Variants in TTLL9 observed in about 807,000 individuals in gnomAD.
The protein encoded by TTLL9 is tubulin tyrosine ligase like 9, also known as probable tubulin polyglutamylase TTLL9.
Under a neutral mutation model 65.6 loss-of-function variants are expected in TTLL9, and 47 were observed. The ratio of observed to expected loss-of-function variants is 0.72; its 90% CI spans 0.57 to 0.91. The LOEUF (loss-of-function observed/expected upper bound fraction) is 0.91. Ranked by LOEUF, TTLL9 falls within the 40% of genes least tolerant of loss-of-function variation. The pLI, the probability that TTLL9 is intolerant of heterozygous loss-of-function variation, is 0.00. For missense variants in TTLL9, 537 were observed against 568.8 expected, an observed-to-expected ratio of 0.94 and a Z score of 0.57; for synonymous variants, 179 against 204.8, an observed-to-expected ratio of 0.87 and a Z score of 1.07.
chr20:31,894,069 GT>G (rs2063348074), intron 3 of TTLL9, among the ~76,000 whole-genome samples: 1 of 130,314 alleles, frequency 7.7e-6, no homozygotes, highest in Admixed American at 7.6e-5. Context: ...AGATATTATA[GT>G]TTTCCCTTCT....
At chr20:31,877,667 T>C (rs997222685) in intron 2 of TTLL9, among the ~76,000 whole-genome samples, 13 of 152,166 alleles carry the variant, frequency 8.5e-5, no homozygotes, top group Admixed American at 2.6e-4. Flanking sequence ...CTCTATTTTT[T>C]CCCCAGTGAT....
rs551540548 is a variant in TTLL9 at position 31,928,124 on chromosome 20, C to T, written c.748+2033C>T. Reference sequence around the variant, plus strand: ...CAGTGGCTGGCCCAGAGTGACCTCTCAGTAAATGTTAGTGGTCCTCCTCTC... The same window carrying T: ...CAGTGGCTGGCCCAGAGTGACCTCTTAGTAAATGTTAGTGGTCCTCCTCTC... On this transcript the variant is annotated intron_variant, in intron 10 of 14. Transcript: ENST00000535842. Among the ~76,000 whole-genome samples the T allele has an allele frequency of 2.0e-5, 3 of 151,676 alleles. No homozygotes were observed. The East Asian group carries it at 5.8e-4, about 29-fold the overall frequency.
intron 2 of TTLL9, among the ~76,000 whole-genome samples, chr20:31,884,648 T>C (rs527323594): frequency 2.0e-5 from 3 of 152,236 alleles, no homozygotes; most frequent in Non-Finnish European, 4.4e-5. Context: ...TTCTAGTTTC[T>C]GGAGGCTGTC....
At position 31,880,147 on chromosome 20, in the gene TTLL9, G is replaced by A. The variant is rs558588438; in HGVS notation, c.70-7049G>A. On this transcript the variant is annotated intron_variant, in intron 2 of 14. Coordinates refer to ENST00000535842, the MANE Select transcript of TTLL9 (RefSeq NM_001008409.5). ...CCAAGCTGCTGCGCAAGTCCCGCGA[G>A]CCCGGCCAGCTGGCGGGAAGTTTAC... Among the ~76,000 whole-genome samples, 13 of 152,306 alleles carry A rather than the reference G, an allele frequency of 8.5e-5. No homozygotes were observed. In the South Asian group the frequency reaches 2.1e-3, roughly 24 times the overall value.
chr20:31,890,921 T>C (rs930899453), intron 3 of TTLL9, among the ~76,000 whole-genome samples: 13 of 152,182 alleles, frequency 8.5e-5, no homozygotes, highest in African/African-American at 3.1e-4. Flanking sequence ...AGCTCTTTGA[T>C]TTGCATGCAC....
intron 3 of TTLL9, among the ~76,000 whole-genome samples, chr20:31,889,300 C>T (rs990613979): frequency 2.7e-5 from 4 of 147,986 alleles, no homozygotes; most frequent in African/African-American, 1.1e-4. Context: ...GAGTCTCACT[C>T]TGTTGGCTGG....
chr20:31,909,644 G>T, intron 5 of TTLL9, 93 bp from the exon 6 acceptor site: 2 of 1,191,748 alleles, frequency 1.7e-6, no homozygotes, highest in South Asian at 2.8e-5. Context: ...CCAGAGCATG[G>T]AGGCTGCAGG....
At chr20:31,933,768 C>T in intron 10 of TTLL9, 32 bp from the exon 11 acceptor site, 2 of 1,606,958 alleles carry the variant, frequency 1.2e-6, no homozygotes, top group Non-Finnish European at 1.7e-6. Context: ...CCTTTTTGTT[C>T]ACGCTGACCC....
intron 2 of TTLL9, among the ~76,000 whole-genome samples, chr20:31,874,659 C>G (rs972939475): frequency 6.6e-6 from 1 of 151,900 alleles, no homozygotes; most frequent in African/African-American, 2.4e-5. Context: ...ATCCACCCAC[C>G]TTGGCCCCCC....
At chr20:31,942,727 G>A (rs2064233406) in intron 14 of TTLL9, among the ~76,000 whole-genome samples, 1 of 152,230 alleles carries the variant, frequency 6.6e-6, no homozygotes, top group Non-Finnish European at 1.5e-5. Flanking sequence ...GTGGGCAGTA[G>A]TATCCTGGTT....
chr20:31,882,428 G>C (rs1402400846), intron 2 of TTLL9, among the ~76,000 whole-genome samples: 1 of 152,140 alleles, frequency 6.6e-6, no homozygotes, highest in Non-Finnish European at 1.5e-5. Context: ...CTCAGAGCAG[G>C]ACTCCAGGAA....
At chr20:31,879,697 C>A in intron 2 of TTLL9, 2 of 921,340 alleles carry the variant, frequency 2.2e-6, no homozygotes, top group South Asian at 1.8e-5. Context: ...CCTAGGCTGC[C>A]AGGACGCCCA....
At chr20:31,878,385 C>T (rs1170970728) in intron 2 of TTLL9, among the ~76,000 whole-genome samples, 3 of 152,228 alleles carry the variant, frequency 2.0e-5, no homozygotes, top group Non-Finnish European at 4.4e-5. Flanking sequence ...CTAGTCCTAG[C>T]AGCTAAAGCT....
intron 6 of TTLL9, 77 bp from the exon 7 acceptor site, chr20:31,919,787 G>A: frequency 1.9e-5 from 23 of 1,226,214 alleles, no homozygotes; most frequent in Non-Finnish European, 2.6e-5. Context: ...ATATGCTGGG[G>A]AGAGCCCCCA....
At position 31,909,797 on chromosome 20, in the gene TTLL9, G is replaced by A; in HGVS notation, c.379G>A (p.Glu127Lys). ...GCGGTTCCGGAAGCAGCTGGAGCGT[G>A]AGGCAGGAAAGCTGGAGGCAGCCAA... ...LKRFRKQLER[E>K]AGKLEAAKCD... The change falls in exon 6 of 15, where the codon GAG becomes AAG. Residue 127 changes from glutamate to lysine, a missense_variant. By Grantham distance (56) the Glu-to-Lys change is moderately conservative. This residue lies in a region of TTLL9 where 320 missense variants were observed against 311.0 expected (regional missense o/e 1.03). Transcript: ENST00000535842. The A allele has an allele frequency of 6.2e-7, 1 of 1,614,222 alleles. No individual in the cohort carries two copies. Among genetic ancestry groups the A allele is most frequent in the Non-Finnish European group, 8.5e-7 (1 of 1,180,048 alleles).
At chr20:31,879,980 G>GATGGGTGTTCCTCGCGGA in intron 2 of TTLL9, 1 of 1,164,086 alleles carries the variant, frequency 8.6e-7, no homozygotes, top group Non-Finnish European at 1.2e-6. Context: ...ATCGGTTGGG[G>GATGGGTGTTCCTCGCGGA]ATGGGTGTTC....
chr20:31,885,963 C>T (rs2063182624), intron 2 of TTLL9, among the ~76,000 whole-genome samples: 1 of 152,242 alleles, frequency 6.6e-6, no homozygotes, highest in Non-Finnish European at 1.5e-5. Flanking sequence ...TGCAGGCAGC[C>T]TCTAGGAGCT....
chr20:31,940,889 A>T (rs763460878), intron 14 of TTLL9: 1 of 152,086 alleles, frequency 6.6e-6, no homozygotes, highest in Non-Finnish European at 1.5e-5. Context: ...CAATCAAAGC[A>T]TTTGCTGGTG....
At chr20:31,939,566 C>T (rs1004844540) in intron 14 of TTLL9, 5 of 223,458 alleles carry the variant, frequency 2.2e-5, no homozygotes, top group African/African-American at 1.1e-4. Flanking sequence ...GGTGTATTTC[C>T]TTCCAGTTCT....
Sources: allele counts gnomAD v4.1 joint callset (sites outside exome capture counted in the v4.1 genomes callset), GRCh38; gene constraint gnomAD v4.1.1; regional missense constraint gnomAD v4.1.1; transcripts MANE v1.5; gene names NCBI Gene and HGNC (gene_info 2026-07-23, HGNC 2026-07-21).